Variants in PCDH11Y observed in about 807,000 individuals in gnomAD.
PCDH11Y encodes protocadherin 11 Y-linked, also known as protocadherin-11 Y-linked.
For synonymous variants in PCDH11Y, 9 were observed against 83.6 expected (o/e 0.11, Z 4.87); for missense variants, 12 against 224.8 (o/e 0.05, Z 6.05).
At chrY:5,299,838 G>C in intron 2 of PCDH11Y, among the ~76,000 whole-genome samples, 1 of 32,036 alleles carries the variant, frequency 3.1e-5, no homozygotes, top group Non-Finnish European at 7.6e-5. Context: ...AGGTCAGTGG[G>C]TCTCTGAAAC....
At chrY:5,640,708 T>C in intron 4 of PCDH11Y, among the ~76,000 whole-genome samples, 1 of 33,413 alleles carries the variant, frequency 3.0e-5, no homozygotes, top group Non-Finnish European at 7.4e-5. Flanking sequence ...ATTTATAGAG[T>C]TCAGGCTCAG....
chrY:5,621,570 A>C, intron 4 of PCDH11Y, among the ~76,000 whole-genome samples: 1 of 32,511 alleles, frequency 3.1e-5, no homozygotes, highest in Non-Finnish European at 7.5e-5. Context: ...ATCGAACTAA[A>C]AATGAGCCCA....
chrY:5,041,022 G>C (rs2052606901), intron 3 of PCDH11Y, among the ~76,000 whole-genome samples: 1 of 31,366 alleles, frequency 3.2e-5, no homozygotes, highest in Non-Finnish European at 7.7e-5. Context: ...TGGAGGAAAA[G>C]GTTTAAAACA....
At chrY:5,626,948 G>A (rs2053507632) in intron 4 of PCDH11Y, among the ~76,000 whole-genome samples, 1 of 32,667 alleles carries the variant, frequency 3.1e-5, no homozygotes, top group African/African-American at 1.2e-4. Context: ...GAAACTAATA[G>A]GAAAATAAAA....
chrY:5,232,914 C>T (rs2052969456), intron 2 of PCDH11Y, among the ~76,000 whole-genome samples: 2 of 32,401 alleles, frequency 6.2e-5, no homozygotes, highest in Non-Finnish European at 1.5e-4. Context: ...AAATGCTCCT[C>T]CTGTGGGCGG....
chrY:5,560,932 A>C (rs2124695118), intron 3 of PCDH11Y, among the ~76,000 whole-genome samples: 1 of 33,734 alleles, frequency 3.0e-5, no homozygotes, highest in East Asian at 8.1e-4. Flanking sequence ...CTTGCACTGC[A>C]TGCCTGGAAA....
At chrY:5,082,430 G>T in intron 1 of PCDH11Y, among the ~76,000 whole-genome samples, 1 of 33,131 alleles carries the variant, frequency 3.0e-5, no homozygotes, top group Non-Finnish European at 7.4e-5. Context: ...CTCCTTTTCA[G>T]TTGTTTGGAA....
At chrY:5,208,109 T>C in intron 2 of PCDH11Y, 1 of 154,803 alleles carries the variant, frequency 6.5e-6, no homozygotes, top group Non-Finnish European at 1.3e-5. Flanking sequence ...AGGAGGTGGC[T>C]ATGGCCGGGG....
chrY:5,583,492 T>C, intron 4 of PCDH11Y, among the ~76,000 whole-genome samples: 3 of 31,128 alleles, frequency 9.6e-5, no homozygotes, highest in African/African-American at 2.5e-4. Flanking sequence ...TTAACAATAT[T>C]TATTTTTCCA....
At chrY:5,292,187 A>C in intron 2 of PCDH11Y, among the ~76,000 whole-genome samples, 1 of 32,508 alleles carries the variant, frequency 3.1e-5, no homozygotes, top group Non-Finnish European at 7.5e-5. Context: ...TATTCAGGAG[A>C]GATATTGGCC....
chrY:5,392,093 T>C (rs2124675992), intron 2 of PCDH11Y, among the ~76,000 whole-genome samples: 1 of 33,377 alleles, frequency 3.0e-5, no homozygotes, highest in African/African-American at 1.2e-4. Flanking sequence ...ACTTTAAAAA[T>C]AGACATTGAG....
chrY:5,379,742 C>A, intron 2 of PCDH11Y, among the ~76,000 whole-genome samples: 3 of 24,893 alleles, frequency 1.2e-4, no homozygotes, highest in Admixed American at 1.2e-3. Flanking sequence ...GGTCACCGAG[C>A]GGCCCGATTC....
intron 2 of PCDH11Y, among the ~76,000 whole-genome samples, chrY:5,118,598 T>C: frequency 4.7e-5 from 1 of 21,298 alleles, no homozygotes; most frequent in Non-Finnish European, 1.0e-4. Context: ...TTCAAGACTG[T>C]AGTATTACCT....
chrY:5,696,997 G>A, intron 4 of PCDH11Y, among the ~76,000 whole-genome samples: 1 of 32,099 alleles, frequency 3.1e-5, no homozygotes, highest in Non-Finnish European at 7.6e-5. Flanking sequence ...CAGTTCCTTT[G>A]TACTTGCTGA....
chrY:5,487,487 G>A (rs2053335164), intron 2 of PCDH11Y, among the ~76,000 whole-genome samples: 1 of 33,822 alleles, frequency 3.0e-5, no homozygotes. Context: ...ATGAGCCACC[G>A]TGCCCGGCCT....
chrY:5,347,702 T>A, intron 2 of PCDH11Y, among the ~76,000 whole-genome samples: 1 of 33,040 alleles, frequency 3.0e-5, no homozygotes, highest in Non-Finnish European at 7.4e-5. Flanking sequence ...ACCAATTTTC[T>A]CTACCAAGTT....
intron 4 of PCDH11Y, among the ~76,000 whole-genome samples, chrY:5,635,573 G>C (rs2124704283): frequency 2.4e-4 from 8 of 33,913 alleles, no homozygotes; most frequent in African/African-American, 9.1e-4. Flanking sequence ...ATAAAATGAA[G>C]CTTTTTCAGC....
intron 2 of PCDH11Y, among the ~76,000 whole-genome samples, chrY:5,296,054 T>C (rs2053074178): frequency 3.0e-5 from 1 of 33,468 alleles, no homozygotes; most frequent in Non-Finnish European, 7.4e-5. Context: ...TTAGTTCATA[T>C]GATGATGTCA....
At chrY:5,515,163 G>GT (rs2124689437) in intron 3 of PCDH11Y, among the ~76,000 whole-genome samples, 1 of 33,589 alleles carries the variant, frequency 3.0e-5, no homozygotes, top group South Asian at 6.5e-4. Flanking sequence ...TTGGATCTAC[G>GT]TTTTTACTTT....
Sources: allele counts gnomAD v4.1 joint callset (sites outside exome capture counted in the v4.1 genomes callset), GRCh38; gene constraint gnomAD v4.1.1; transcripts MANE v1.5; gene names NCBI Gene and HGNC (gene_info 2026-07-23, HGNC 2026-07-21).